MAML3: variants seen among roughly 807,000 people sequenced by gnomAD.
MAML3 encodes the protein mastermind-like protein 3.
MAML3 carries 27 observed loss-of-function variants against 101.9 expected under a neutral mutation model. That is an observed-to-expected ratio of 0.27 (90% confidence interval 0.20 to 0.37). The LOEUF (loss-of-function observed/expected upper bound fraction) is 0.37, where lower values mean the gene tolerates loss of function less well. MAML3 is among the 10% of genes least tolerant of loss of function. The pLI is 1.00. For missense variants in MAML3, 1,316 were observed against 1,444.9 expected, an observed-to-expected ratio of 0.91 and a Z score of 1.45; for synonymous variants, 501 against 555.9, an observed-to-expected ratio of 0.90 and a Z score of 1.39.
intron 2 of MAML3, among the ~76,000 whole-genome samples, chr4:139,759,382 G>A (rs1440772206): frequency 2.0e-5 from 3 of 152,208 alleles, no homozygotes; most frequent in South Asian, 2.1e-4. Context: ...TGGGGCTCAC[G>A]TGGCAGGGAA....
intron 1 of MAML3, among the ~76,000 whole-genome samples, chr4:140,093,416 G>T (rs71606874): frequency 0.045 from 5,496 of 121,510 alleles, 182 homozygotes; most frequent in Middle Eastern, 0.071. Flanking sequence ...ATGTTTGTTT[G>T]TTTTTTTTTT....
intron 1 of MAML3, among the ~76,000 whole-genome samples, chr4:140,010,116 C>T (rs1726522618): frequency 6.6e-6 from 1 of 152,114 alleles, no homozygotes; most frequent in Non-Finnish European, 1.5e-5. Context: ...AAATCTACAA[C>T]ATAAAGTGAA....
intron 2 of MAML3, among the ~76,000 whole-genome samples, chr4:139,821,710 A>G (rs1043388355): frequency 2.0e-5 from 3 of 152,250 alleles, no homozygotes; most frequent in Non-Finnish European, 4.4e-5. Context: ...TCCAAGTTCA[A>G]AATCTGACTG....
chr4:139,771,445 C>T (rs865932361), intron 2 of MAML3, among the ~76,000 whole-genome samples: 55 of 152,298 alleles, frequency 3.6e-4, no homozygotes, highest in Middle Eastern at 3.4e-3. Context: ...TCCCTGGAAG[C>T]GGGATAAGAT....
intron 2 of MAML3, among the ~76,000 whole-genome samples, chr4:139,812,846 C>T (rs1028460735): frequency 1.3e-5 from 2 of 151,774 alleles, no homozygotes; most frequent in Admixed American, 6.6e-5. Context: ...GTAAAGATTG[C>T]CACACATTTA....
chr4:140,039,872 T>C (rs1335132076), intron 1 of MAML3, among the ~76,000 whole-genome samples: 1 of 152,108 alleles, frequency 6.6e-6, no homozygotes, highest in African/African-American at 2.4e-5. Context: ...TCTCCTCTTA[T>C]CCCTACCCCT....
At chr4:139,961,429 A>G (rs1322768701) in intron 1 of MAML3, among the ~76,000 whole-genome samples, 1 of 152,194 alleles carries the variant, frequency 6.6e-6, no homozygotes, top group Admixed American at 6.5e-5. Context: ...AATACGTTCC[A>G]TTAGATTATC....
intron 2 of MAML3, among the ~76,000 whole-genome samples, chr4:139,786,077 G>C (rs1730299409): frequency 6.6e-6 from 1 of 151,996 alleles, no homozygotes; most frequent in Non-Finnish European, 1.5e-5. Context: ...GATATGGCTG[G>C]TGTTCATCTA....
chr4:139,904,518 G>A (rs1051782280), intron 1 of MAML3, among the ~76,000 whole-genome samples: 1 of 152,178 alleles, frequency 6.6e-6, no homozygotes, highest in Admixed American at 6.5e-5. Flanking sequence ...AGGCATAGGC[G>A]ACCACGCTGT....
At chr4:139,831,998 T>G (rs1731172216) in intron 2 of MAML3, among the ~76,000 whole-genome samples, 1 of 151,906 alleles carries the variant, frequency 6.6e-6, no homozygotes, top group Non-Finnish European at 1.5e-5. Context: ...TTTCACCATG[T>G]TAGCCAGGAT....
chr4:139,892,602 CAA>C (rs58824343), intron 1 of MAML3, among the ~76,000 whole-genome samples: 3,313 of 140,048 alleles, frequency 0.024, 71 homozygotes, highest in African/African-American at 0.065. Flanking sequence ...CCACATTTTC[CAA>C]AAAAAAAAAA....
At chr4:139,946,252 T>C (rs1733724818) in intron 1 of MAML3, among the ~76,000 whole-genome samples, 1 of 152,208 alleles carries the variant, frequency 6.6e-6, no homozygotes, top group Non-Finnish European at 1.5e-5. Context: ...TATGCATCAG[T>C]TTCATAATAG....
intron 2 of MAML3, among the ~76,000 whole-genome samples, chr4:139,781,948 G>C (rs1730223992): frequency 6.6e-6 from 1 of 152,178 alleles, no homozygotes; most frequent in African/African-American, 2.4e-5. Flanking sequence ...TGGTCCAACA[G>C]AGGCTGAATT....
intron 1 of MAML3, among the ~76,000 whole-genome samples, chr4:140,078,967 T>C (rs1727821803): frequency 6.6e-6 from 1 of 152,206 alleles, no homozygotes. Context: ...ATTATAATTA[T>C]GTCTACAATG....
chr4:139,723,591 A>C (rs1215035173), intron 4 of MAML3, among the ~76,000 whole-genome samples: 1 of 152,112 alleles, frequency 6.6e-6, no homozygotes, highest in East Asian at 1.9e-4. Flanking sequence ...GGATTACAGG[A>C]GTGAGCAACT....
At chr4:139,914,470 A>G (rs1446140447) in intron 1 of MAML3, among the ~76,000 whole-genome samples, 1 of 152,098 alleles carries the variant, frequency 6.6e-6, no homozygotes, top group African/African-American at 2.4e-5. Flanking sequence ...CTTGATTTTA[A>G]TTCACAAAGC....
intron 1 of MAML3, among the ~76,000 whole-genome samples, chr4:139,945,483 T>C (rs182996732): frequency 6.6e-5 from 10 of 152,344 alleles, no homozygotes; most frequent in Admixed American, 2.0e-4. Context: ...TCTTTTCAAA[T>C]AGCCAAACAT....
Position 139,719,781 on chromosome 4 carries a change from T to A in MAML3, c.2959A>T (p.Ser987Cys). 1 of 1,613,706 alleles carries A rather than the reference T, an allele frequency of 6.2e-7. No individual in the cohort carries two copies. The highest frequency in any genetic ancestry group is 1.1e-5 in the South Asian group (1 of 91,090). ...GGCTGCCCAGCTTGAAGAGGGTAGC[T>A]GGCGCCATTGTTGAATGGTCCCAAT... The part of the protein sequence containing the change: ...GELGPFNNGA[S>C]YPLQAGQPRL... The change falls in exon 5 of 5, where the codon AGC becomes TGC. Residue 987 changes from serine (S) to cysteine (C), a missense_variant. Transcript: ENST00000509479.
chr4:139,857,068 C>T (rs757457489), intron 2 of MAML3, among the ~76,000 whole-genome samples: 8 of 152,138 alleles, frequency 5.3e-5, no homozygotes, highest in Non-Finnish European at 1.5e-5. Flanking sequence ...ATAAATTCCA[C>T]CCAAAGCAAA....
Sources: gnomAD v4.1 joint callset for allele counts (sites outside exome capture counted in the v4.1 genomes callset) on GRCh38, gnomAD v4.1.1 for gene constraint, MANE v1.5 for transcripts, NCBI Gene and HGNC (gene_info 2026-07-23, HGNC 2026-07-21) for gene names.